Variants in DAB1 observed in about 807,000 individuals in gnomAD.
The protein encoded by DAB1 is disabled homolog 1.
DAB1 carries 15 observed loss-of-function variants against 64.6 expected under a neutral mutation model. The ratio of observed to expected loss-of-function variants is 0.23; its 90% confidence interval spans 0.16 to 0.36. The LOEUF is 0.36. Among genes scored for constraint, DAB1 ranks in the 10% least tolerant of loss-of-function variants. DAB1 has a pLI of 1.00. For missense variants in DAB1, 596 were observed against 706.7 expected, an observed-to-expected ratio of 0.84 and a Z score of 1.78; for synonymous variants, 235 against 251.9, an observed-to-expected ratio of 0.93 and a Z score of 0.64.
intron 3 of DAB1, among the ~76,000 whole-genome samples, chr1:58,419,806 G>C (rs1644755546): frequency 6.6e-6 from 1 of 152,196 alleles, no homozygotes; most frequent in Non-Finnish European, 1.5e-5. Context: ...CACTGTGTAT[G>C]CACCACAGCT....
chr1:57,474,878 TG>T (rs1226960746), intron 7 of DAB1, among the ~76,000 whole-genome samples: 10 of 152,188 alleles, frequency 6.6e-5, no homozygotes, highest in Admixed American at 3.9e-4. Context: ...AACCTGGAAA[TG>T]TTGGGGTAGT....
chr1:57,682,811 A>G (rs1005175226), intron 6 of DAB1, among the ~76,000 whole-genome samples: 1 of 152,116 alleles, frequency 6.6e-6, no homozygotes, highest in Non-Finnish European at 1.5e-5. Flanking sequence ...TCCCTCTGAG[A>G]GGCTTTAGCC....
In DAB1 at chr1:57,563,779, C is replaced by T. The variant is rs181692596; in HGVS notation, n.625+85813G>A. Among the ~76,000 whole-genome samples the T allele has an allele frequency of 5.6e-3, 857 of 152,270 alleles. 3 individuals are homozygous for T. Among genetic ancestry groups the T allele is most frequent in the African/African-American group, 0.019 (801 of 41,552 alleles). On this transcript the variant is annotated intron_variant and non_coding_transcript_variant, in intron 7 of 20. Transcript: ENST00000485760. ...CATTGCTGAGGCTTGAGTAGGTAAA[C>T]GAAGCGGCCTGGAAGCTCGAACTAG...
At chr1:58,381,461 T>G (rs1644388211) in intron 3 of DAB1, among the ~76,000 whole-genome samples, 1 of 152,178 alleles carries the variant, frequency 6.6e-6, no homozygotes, top group African/African-American at 2.4e-5. Context: ...TAAAGGCCTG[T>G]TTGGCTGCTA....
intron 6 of DAB1, among the ~76,000 whole-genome samples, chr1:57,730,747 G>A (rs978948059): frequency 2.6e-5 from 4 of 152,182 alleles, no homozygotes; most frequent in African/African-American, 7.2e-5. Context: ...TTGGTAGACA[G>A]ATAGATGAAT....
intron 2 of DAB1, among the ~76,000 whole-genome samples, chr1:57,281,137 TAGTGGCAGAACTAA>T (rs1671852532): frequency 6.6e-6 from 1 of 152,144 alleles, no homozygotes; most frequent in South Asian, 2.1e-4. Flanking sequence ...ACACTGTCCT[TAGTGGCAGAACTAA>T]AGTGGCTGAA....
upstream of DAB1, among the ~76,000 whole-genome samples, chr1:57,885,791 G>T (rs1164336078): frequency 1.3e-5 from 2 of 152,000 alleles, no homozygotes; most frequent in African/African-American, 4.8e-5. Flanking sequence ...ACTCTTGCTG[G>T]ATTACCTGAG....
At chr1:58,450,003 G>A (rs1039037753) in intron 3 of DAB1, among the ~76,000 whole-genome samples, 3 of 152,200 alleles carry the variant, frequency 2.0e-5, no homozygotes, top group African/African-American at 7.2e-5. Flanking sequence ...ATAAAAGAAT[G>A]AGGGATATGT....
rs1389177791 is a variant in DAB1 at position 56,997,737 on chromosome 1, C to A, written c.*407G>T. 1 of 152,084 alleles carries A rather than the reference C, an allele frequency of 6.6e-6. No individual in the cohort carries two copies. The highest frequency in any genetic ancestry group is 1.9e-4 in the East Asian group (1 of 5,188). The allele number at this position is 152,084 out of a possible 1,614,324, so 9.4% of individuals were successfully genotyped here. ...TTGTAATCCTCTGATGCCTGTCACT[C>A]CAAATTTGGTGTCTCAACAGTGGTC... is the stretch of plus-strand genomic sequence containing the variant. On this transcript the variant is annotated 3_prime_UTR_variant, in exon 15 of 15. Transcript: ENST00000371236.
intron 5 of DAB1, among the ~76,000 whole-genome samples, chr1:58,103,751 T>C (rs1211174529): frequency 2.0e-5 from 3 of 152,198 alleles, no homozygotes; most frequent in Non-Finnish European, 4.4e-5. Context: ...CTTACTTGCA[T>C]TGCTCAAGTT....
intron 5 of DAB1, among the ~76,000 whole-genome samples, chr1:58,105,203 G>A (rs1056033371): frequency 6.6e-6 from 1 of 152,186 alleles, no homozygotes; most frequent in African/African-American, 2.4e-5. Context: ...ACAGTTCCTC[G>A]TTTTGGTGGT....
chr1:58,049,289 C>A, intron 5 of DAB1: 2 of 695,270 alleles, frequency 2.9e-6, no homozygotes, highest in Non-Finnish European at 2.6e-6. Context: ...CTGACTTAGA[C>A]AGGATGGCAG....
chr1:57,191,396 C>T (rs1462613106), intron 2 of DAB1, among the ~76,000 whole-genome samples: 1 of 152,154 alleles, frequency 6.6e-6, no homozygotes. Flanking sequence ...GCAATAATTA[C>T]ACCCAAACAC....
intron 7 of DAB1, among the ~76,000 whole-genome samples, chr1:57,493,446 T>C (rs929206758): frequency 2.6e-5 from 4 of 152,226 alleles, no homozygotes; most frequent in African/African-American, 4.8e-5. Flanking sequence ...AGTTCATCCA[T>C]GCTGTAGCAT....
chr1:57,825,100 G>T (rs852775), downstream of DAB1, among the ~76,000 whole-genome samples: 91,550 of 152,078 alleles, frequency 0.6, 27,818 homozygotes, highest in African/African-American at 0.68. Context: ...CGTGAAAAGG[G>T]TGACCCAGTT....
At chr1:58,229,358 C>T (rs987496640) in intron 4 of DAB1, among the ~76,000 whole-genome samples, 1 of 152,166 alleles carries the variant, frequency 6.6e-6, no homozygotes. Flanking sequence ...AAGGCAAATA[C>T]ACTTAGAAGC....
chr1:58,017,609 C>T (rs1225511821), intron 5 of DAB1, among the ~76,000 whole-genome samples: 2 of 152,212 alleles, frequency 1.3e-5, no homozygotes, highest in African/African-American at 4.8e-5. Flanking sequence ...CCACCTTGGG[C>T]AAGTCACCCA....
At chr1:57,535,612 G>A (rs1030365911) in intron 7 of DAB1, among the ~76,000 whole-genome samples, 7 of 151,842 alleles carry the variant, frequency 4.6e-5, no homozygotes, top group East Asian at 1.9e-4. Context: ...ACAGGCACGC[G>A]CCACCACGCC....
chr1:58,533,206 C>T (rs956917465), intron 1 of DAB1, among the ~76,000 whole-genome samples: 3 of 152,160 alleles, frequency 2.0e-5, no homozygotes, highest in Non-Finnish European at 4.4e-5. Flanking sequence ...CAGGAGCATA[C>T]ATCAACTTGA....
Sources: allele counts gnomAD v4.1 joint callset (sites outside exome capture counted in the v4.1 genomes callset), GRCh38; gene constraint gnomAD v4.1.1; transcripts MANE v1.5; gene names NCBI Gene and HGNC (gene_info 2026-07-23, HGNC 2026-07-21).